AFG2A: variants seen among roughly 807,000 people sequenced by gnomAD.
The protein encoded by AFG2A is ATPase family gene 2 protein homolog A.
the AFG2A span, among the ~76,000 whole-genome samples, chr4:122,930,437 CTT>C: frequency 1.3e-5 from 2 of 152,054 alleles, no homozygotes; most frequent in Admixed American, 6.5e-5. Flanking sequence ...AATATGTTCT[CTT>C]TTGCTACTAT....
chr4:123,230,353 C>T, the AFG2A span, among the ~76,000 whole-genome samples: 11 of 152,096 alleles, frequency 7.2e-5, no homozygotes, highest in Non-Finnish European at 1.5e-4. Context: ...TAGATTTCAT[C>T]GCAAGAAACC....
chr4:123,220,955 C>G, the AFG2A span, among the ~76,000 whole-genome samples: 2 of 152,054 alleles, frequency 1.3e-5, no homozygotes, highest in African/African-American at 2.4e-5. Flanking sequence ...TTTAAAAAAC[C>G]TACATAGTGT....
At chr4:122,962,286 G>A in the AFG2A span, among the ~76,000 whole-genome samples, 2 of 152,000 alleles carry the variant, frequency 1.3e-5, no homozygotes, top group African/African-American at 4.8e-5. Context: ...ATTTTACAAG[G>A]GACGTATTAT....
chr4:123,078,917 T>C, the AFG2A span, among the ~76,000 whole-genome samples: 1 of 152,226 alleles, frequency 6.6e-6, no homozygotes, highest in Admixed American at 6.5e-5. Context: ...TTGTTTAGCA[T>C]AAGGATTACC....
At chr4:122,978,946 C>T in the AFG2A span, among the ~76,000 whole-genome samples, 1 of 152,186 alleles carries the variant, frequency 6.6e-6, no homozygotes, top group South Asian at 2.1e-4. Flanking sequence ...GGGGTGCTTC[C>T]TGGGTTCTCG....
the AFG2A span, among the ~76,000 whole-genome samples, chr4:123,179,831 A>G: frequency 6.6e-6 from 1 of 152,240 alleles, no homozygotes; most frequent in Non-Finnish European, 1.5e-5. Flanking sequence ...TCATTAACAG[A>G]AAATGTGTTC....
the AFG2A span, among the ~76,000 whole-genome samples, chr4:123,120,804 A>C: frequency 1.3e-5 from 2 of 152,190 alleles, no homozygotes; most frequent in Non-Finnish European, 1.5e-5. Flanking sequence ...TGTATAGTAC[A>C]TCATACTTGA....
chr4:123,200,714 G>C, the AFG2A span, among the ~76,000 whole-genome samples: 4 of 152,202 alleles, frequency 2.6e-5, no homozygotes, highest in Non-Finnish European at 5.9e-5. Flanking sequence ...GTTGGCAGTT[G>C]AGAGGCTGCT....
chr4:123,028,553 G>A, the AFG2A span: 1 of 617,238 alleles, frequency 1.6e-6, no homozygotes. Flanking sequence ...AGGGAGATGA[G>A]TGATAAGAAA....
chr4:123,114,301 C>T, the AFG2A span, among the ~76,000 whole-genome samples: 22,187 of 152,122 alleles, frequency 0.15, 2,095 homozygotes, highest in East Asian at 0.45. Context: ...CTGCCCTGTT[C>T]TGAAGATGAG....
the AFG2A span, among the ~76,000 whole-genome samples, chr4:122,967,206 C>T: frequency 6.6e-6 from 1 of 152,074 alleles, no homozygotes; most frequent in African/African-American, 2.4e-5. Context: ...AGTTTGAGAC[C>T]AGCCTGGGCA....
chr4:123,048,166 T>G, the AFG2A span, among the ~76,000 whole-genome samples: 1 of 152,234 alleles, frequency 6.6e-6, no homozygotes. Flanking sequence ...ATGAGTTGAC[T>G]GTAATGAATG....
chr4:122,923,979 A>G, the AFG2A span, among the ~76,000 whole-genome samples: 1 of 152,236 alleles, frequency 6.6e-6, no homozygotes, highest in Non-Finnish European at 1.5e-5. Context: ...GGGAGAACGT[A>G]TTTATACTGA....
At chr4:123,070,607 T>C in the AFG2A span, among the ~76,000 whole-genome samples, 105 of 152,320 alleles carry the variant, frequency 6.9e-4, 2 homozygotes, top group South Asian at 0.022. Flanking sequence ...ACTAATTCCA[T>C]ACATGAGGGC....
At chr4:123,164,875 A>C in the AFG2A span, among the ~76,000 whole-genome samples, 3 of 152,156 alleles carry the variant, frequency 2.0e-5, no homozygotes, top group African/African-American at 7.2e-5. Context: ...AACAAATGAC[A>C]CCTCTACTTA....
chr4:122,940,939 G>A, the AFG2A span, among the ~76,000 whole-genome samples: 2 of 151,512 alleles, frequency 1.3e-5, no homozygotes, highest in Non-Finnish European at 2.9e-5. Context: ...AGATCAGATA[G>A]TTGTAGATAT....
the AFG2A span, among the ~76,000 whole-genome samples, chr4:122,988,401 CTT>C: frequency 2.7e-3 from 328 of 123,032 alleles, 1 homozygote; most frequent in Admixed American, 5.9e-3. Flanking sequence ...GTCATTCTTT[CTT>C]TTTTTTTTTT....
chr4:123,053,782 C>G, the AFG2A span, among the ~76,000 whole-genome samples: 1 of 152,146 alleles, frequency 6.6e-6, no homozygotes, highest in South Asian at 2.1e-4. Context: ...CTTGTTGGCT[C>G]AGAGTGGCAT....
the AFG2A span, among the ~76,000 whole-genome samples, chr4:123,285,911 G>A: frequency 1.3e-5 from 2 of 152,158 alleles, no homozygotes; most frequent in Non-Finnish European, 2.9e-5. Flanking sequence ...AGAACACTTG[G>A]AAATCAGTGG....
Sources: gnomAD v4.1 joint callset for allele counts (sites outside exome capture counted in the v4.1 genomes callset) on GRCh38, gnomAD v4.1.1 for gene constraint, MANE v1.5 for transcripts, NCBI Gene and HGNC (gene_info 2026-07-23, HGNC 2026-07-21) for gene names.